MKX: variants seen among roughly 807,000 people sequenced by gnomAD.
MKX encodes mohawk homeobox.
Under a neutral mutation model 36.0 loss-of-function variants are expected in MKX, and 13 were observed. That is an observed-to-expected ratio of 0.36 (90% CI 0.24 to 0.57). MKX has a LOEUF of 0.57. MKX is among the 20% of genes least tolerant of loss of function. MKX has a pLI of 0.79. For missense variants in MKX, 458 were observed against 456.4 expected (o/e 1.00, Z -0.03); for synonymous variants, 176 against 178.3 (o/e 0.99, Z 0.10).
At position 27,737,767 on chromosome 10, in the gene MKX, A is replaced by T. The variant is rs1834810815; in HGVS notation, c.349-2393T>A. On this transcript the variant is annotated intron_variant, in intron 3 of 6. Coordinates refer to ENST00000419761, the MANE Select transcript of MKX (RefSeq NM_173576.3). ...GAATCCAACTCCAAAACATTTTTGT[A>T]ACTTTCTTTACTCAATGGGATATAA... 2.6e-5 allele frequency among the ~76,000 whole-genome samples: 4 copies of T among 152,124 alleles called. No individual in the cohort carries two copies. The South Asian group carries it at 8.3e-4, about 31-fold the overall frequency.
At chr10:27,725,049 T>C (rs938950136) in intron 5 of MKX, among the ~76,000 whole-genome samples, 2 of 152,196 alleles carry the variant, frequency 1.3e-5, no homozygotes, top group Admixed American at 6.5e-5. Flanking sequence ...AAAAGTCATT[T>C]AAGTACCTGA....
In MKX at chr10:27,675,414, C is replaced by T. The variant is rs200318208; in HGVS notation, c.874G>A (p.Ala292Thr). 6 of 1,614,104 alleles carry T rather than the reference C, an allele frequency of 3.7e-6. No individual in the cohort carries two copies. The highest frequency in any genetic ancestry group is 4.5e-5 in the East Asian group (2 of 44,874). Residue 292 changes from alanine to threonine, a missense_variant and splice_region_variant, in exon 7 of 7, where the codon GCA (alanine) becomes ACA (threonine). This residue lies in a region of MKX where 297 missense variants were observed against 304.4 expected (regional missense o/e 0.98). Coordinates refer to ENST00000419761, the MANE Select transcript of MKX (RefSeq NM_173576.3). ...TTGCTTGGTCCTTTTCTGTTAGCTG[C>T]GCTGGAGTTAAGCAAAACAGAAAGT... Reference protein sequence around the residue: ...LENGSNKGESAANRKGPSKDD... With the variant: ...LENGSNKGESTANRKGPSKDD...
intron 5 of MKX, among the ~76,000 whole-genome samples, chr10:27,729,684 G>A (rs1448818669): frequency 6.6e-6 from 1 of 152,096 alleles, no homozygotes; most frequent in Non-Finnish European, 1.5e-5. Flanking sequence ...CTCAAGTCGA[G>A]CAAAACAAGA....
In MKX at chr10:27,735,343, C is replaced by T. The variant is rs762056002; in HGVS notation, c.380G>A (p.Arg127Gln). Residue 127 changes from arginine (R) to glutamine (Q), a missense_variant, in exon 4 of 7, where the codon CGG becomes CAG. Physicochemically the swap from Arg to Gln is conservative, Grantham distance 43 (BLOSUM62 1). Transcript: ENST00000419761. ...TGGCTGTCGAACGGTATTCTTAAGC[C>T]GACGTCTTGCATTAGCAAACCAATT... ...VSNWFANARRRLKNTVRQPDL... is the reference protein window; with the variant it reads ...VSNWFANARRQLKNTVRQPDL... 3 of 1,612,912 alleles carry T rather than the reference C, an allele frequency of 1.9e-6. No individual in the cohort carries two copies. The highest frequency in any genetic ancestry group is 2.5e-6 in the Non-Finnish European group (3 of 1,179,634).
In MKX at chr10:27,734,675, G is replaced by C. The variant is rs752902262; in HGVS notation, c.619C>G (p.Arg207Gly). 2.5e-6 allele frequency: 4 copies of C among 1,614,084 alleles called. No individual in the cohort carries two copies. The highest frequency in any genetic ancestry group is 1.1e-5 in the South Asian group (1 of 91,072). ...VIKAGVRPES[R>G]ASEDYVAPPK... is the part of the protein sequence containing the mutation. ...GGTGCCACGTAGTCCTCACTGGCCC[G>C]TGACTCTGGCCTCACTCCCGCTTTG... The change falls in exon 5 of 7, where the codon CGG becomes GGG. Residue 207 changes from arginine (R) to glycine (G), a missense_variant. Arg to Gly is a moderately radical substitution (Grantham distance 125). Transcript: ENST00000419761.
intron 5 of MKX, among the ~76,000 whole-genome samples, chr10:27,705,458 G>A (rs192502838): frequency 1.4e-4 from 22 of 152,216 alleles, no homozygotes; most frequent in African/African-American, 4.3e-4. Flanking sequence ...GGGCTCAAGC[G>A]ATCCTACTGC....
intron 5 of MKX, among the ~76,000 whole-genome samples, chr10:27,701,631 A>T (rs1177986214): frequency 6.9e-6 from 1 of 144,932 alleles, no homozygotes; most frequent in Non-Finnish European, 1.5e-5. Flanking sequence ...TAAAATAATA[A>T]TATATTTATA....
At chr10:27,727,640 CATTTGTATAA>C (rs1834520747) in intron 5 of MKX, among the ~76,000 whole-genome samples, 1 of 152,172 alleles carries the variant, frequency 6.6e-6, no homozygotes, top group Non-Finnish European at 1.5e-5. Context: ...AAAGGGTCAG[CATTTGTATAA>C]ATCTCATTTT....
At chr10:27,724,647 C>CAATGTCTCCAATAACAAT (rs1834448467) in intron 5 of MKX, among the ~76,000 whole-genome samples, 1 of 152,022 alleles carries the variant, frequency 6.6e-6, no homozygotes, top group South Asian at 2.1e-4. Context: ...GTAATAACTT[C>CAATGTCTCCAATAACAAT]AATGTCTCCA....
intron 1 of MKX, chr10:27,745,419 C>T (rs1835031362): frequency 6.5e-6 from 1 of 152,700 alleles, no homozygotes; most frequent in East Asian, 1.9e-4. Context: ...AAATCACTTA[C>T]CCCGATTCAC....
At chr10:27,690,615 G>A (rs1291684770) in intron 5 of MKX, among the ~76,000 whole-genome samples, 1 of 152,138 alleles carries the variant, frequency 6.6e-6, no homozygotes, top group East Asian at 1.9e-4. Context: ...TACGGTTGCT[G>A]TGGGGATAAA....
At chr10:27,711,425 T>TC (rs1268970978) in intron 5 of MKX, among the ~76,000 whole-genome samples, 1,910 of 137,094 alleles carry the variant, frequency 0.014, 16 homozygotes, top group East Asian at 0.055. Flanking sequence ...TCTTTCTTTC[T>TC]TTTCTCTTTC....
rs1266009790 is a variant in MKX, at chr10:27,742,738, G to T, written c.188+490C>A. 1.3e-5 allele frequency among the ~76,000 whole-genome samples: 2 copies of T among 152,038 alleles called. No homozygotes were observed. The highest frequency in any genetic ancestry group is 1.9e-4 in the East Asian group (1 of 5,132). ...GCGCTCACGCCCGGGACTCCCTGGC[G>T]GGAGGCGACCTTCCCGACTCCTTGG... On this transcript the variant is annotated intron_variant, in intron 2 of 6. Transcript: ENST00000419761. The surrounding 1 kb of genome is among the most constrained non-coding windows in gnomAD (Gnocchi z 4.2).
chr10:27,722,261 G>T (rs1834395754), intron 5 of MKX, among the ~76,000 whole-genome samples: 1 of 152,162 alleles, frequency 6.6e-6, no homozygotes, highest in Admixed American at 6.5e-5. Flanking sequence ...TCCTTTACCT[G>T]TCACCAGGGA....
intron 5 of MKX, among the ~76,000 whole-genome samples, chr10:27,677,938 T>A (rs926716934): frequency 6.6e-6 from 1 of 152,236 alleles, no homozygotes; most frequent in East Asian, 1.9e-4. Flanking sequence ...CCTGGATGCT[T>A]AGCTATACCT....
intron 5 of MKX, among the ~76,000 whole-genome samples, chr10:27,724,126 T>C (rs527405992): frequency 9.2e-5 from 14 of 152,292 alleles, no homozygotes; most frequent in African/African-American, 3.4e-4. Flanking sequence ...AAATGAAAAC[T>C]GATCAAAATT....
intron 5 of MKX, among the ~76,000 whole-genome samples, chr10:27,724,256 G>T (rs1283559157): frequency 6.6e-6 from 1 of 152,110 alleles, no homozygotes; most frequent in Non-Finnish European, 1.5e-5. Flanking sequence ...CTGTGTCAAA[G>T]ATACTCAAAA....
At chr10:27,729,268 A>G (rs1834564166) in intron 5 of MKX, among the ~76,000 whole-genome samples, 1 of 150,424 alleles carries the variant, frequency 6.6e-6, no homozygotes, top group Non-Finnish European at 1.5e-5. Context: ...GGGCTCATAG[A>G]GCAACCATTC....
chr10:27,688,495 T>C (rs544234642), intron 5 of MKX, among the ~76,000 whole-genome samples: 2 of 152,326 alleles, frequency 1.3e-5, no homozygotes, highest in African/African-American at 4.8e-5. Flanking sequence ...TCTATTAGCT[T>C]TAAGTGTCTA....
Sources: allele counts gnomAD v4.1 joint callset (sites outside exome capture counted in the v4.1 genomes callset), GRCh38; gene constraint gnomAD v4.1.1; regional missense constraint gnomAD v4.1.1; non-coding constraint Gnocchi (gnomAD v3.1); transcripts MANE v1.5; gene names NCBI Gene and HGNC (gene_info 2026-07-23, HGNC 2026-07-21).